Variants in INPP5A observed in about 807,000 individuals in gnomAD.
The protein encoded by INPP5A is inositol polyphosphate-5-phosphatase A.
In INPP5A, 14 loss-of-function variants were observed where a neutral mutation model predicts 65.2. The ratio of observed to expected loss-of-function variants is 0.21; its 90% CI spans 0.14 to 0.34. The LOEUF (loss-of-function observed/expected upper bound fraction) is 0.34. INPP5A is among the 10% of genes least tolerant of loss of function. The pLI, the probability that INPP5A is intolerant of heterozygous loss-of-function variation, is 1.00. For synonymous variants in INPP5A, 207 were observed against 208.3 expected, an observed-to-expected ratio of 0.99 and a Z score of 0.05; for missense variants, 431 against 545.6, an observed-to-expected ratio of 0.79 and a Z score of 2.09.
intron 4 of INPP5A, among the ~76,000 whole-genome samples, chr10:132,653,987 C>CTTA (rs2072616176): frequency 6.6e-6 from 1 of 152,260 alleles, no homozygotes; most frequent in East Asian, 1.9e-4. Flanking sequence ...ACACGCTTCC[C>CTTA]AATTACGTCT....
intron 2 of INPP5A, among the ~76,000 whole-genome samples, chr10:132,641,307 A>G (rs2072424555): frequency 6.6e-6 from 1 of 151,902 alleles, no homozygotes; most frequent in Non-Finnish European, 1.5e-5. Flanking sequence ...ATGCCTGGAG[A>G]CTCTCAGGCT....
At chr10:132,665,686 T>C (rs1452416917) in intron 4 of INPP5A, among the ~76,000 whole-genome samples, 4 of 138,458 alleles carry the variant, frequency 2.9e-5, no homozygotes, top group Non-Finnish European at 3.1e-5. Flanking sequence ...ATTGCTTGAG[T>C]TTAGGAGTAA....
chr10:132,589,315 G>A lies in INPP5A; in HGVS notation c.76-18600G>A, dbSNP rs1050026043. On this transcript the variant is annotated intron_variant, in intron 1 of 15. Coordinates refer to ENST00000368594, the MANE Select transcript of INPP5A (RefSeq NM_005539.5). Reference sequence around the variant, plus strand: ...ATGCGGGCTCGAGGAAGCTGTGGGAGTGCCTTCCCACTAGGCTTGCTGTGC... The same window carrying A: ...ATGCGGGCTCGAGGAAGCTGTGGGAATGCCTTCCCACTAGGCTTGCTGTGC... 2.0e-5 allele frequency among the ~76,000 whole-genome samples: 3 copies of A among 152,364 alleles called. No homozygotes were observed. In the East Asian group the frequency reaches 5.8e-4, roughly 29 times the overall value.
intron 8 of INPP5A, among the ~76,000 whole-genome samples, chr10:132,719,319 G>A (rs1404856536): frequency 2.1e-5 from 3 of 142,574 alleles, no homozygotes; most frequent in Non-Finnish European, 3.0e-5. Flanking sequence ...GCCTTAGGCG[G>A]CTGTCTTCAG....
intron 12 of INPP5A, among the ~76,000 whole-genome samples, chr10:132,776,629 G>A (rs1207354123): frequency 6.6e-6 from 1 of 152,184 alleles, no homozygotes; most frequent in African/African-American, 2.4e-5. Context: ...GCACTTAGGG[G>A]CAGGTGGCTG....
chr10:132,592,725 A>G (rs1361272072), intron 1 of INPP5A, among the ~76,000 whole-genome samples: 1 of 152,222 alleles, frequency 6.6e-6, no homozygotes, highest in East Asian at 1.9e-4. Flanking sequence ...TTAAAATAAT[A>G]TTAATTTTAT....
chr10:132,782,089 T>C lies in INPP5A; in HGVS notation c.*60T>C, dbSNP rs532141272. ...CACTTCGTGAGCCTCCCTGTAGCCG[T>C]GGACCGAATACGCACTCTTGAAAGC... On this transcript the variant is annotated 3_prime_UTR_variant, in exon 16 of 16. Transcript: ENST00000368594. This position sits in a 1 kb window ranked among gnomAD's most constrained non-coding sequence, Gnocchi z 4.4. The C allele has an allele frequency of 8.0e-5, 124 of 1,543,206 alleles. No individual in the cohort carries two copies. In the African/African-American group the frequency reaches 1.4e-3, roughly 17 times the overall value.
chr10:132,783,389 G>C lies in INPP5A; in HGVS notation c.*1360G>C, dbSNP rs903271376. The C allele has an allele frequency of 6.6e-6, 1 of 152,424 alleles. No homozygotes were observed. Among genetic ancestry groups the C allele is most frequent in the Non-Finnish European group, 1.5e-5 (1 of 68,046 alleles). 9.4% of individuals were successfully genotyped at this position (152,424 alleles called of 1,614,324 possible). ...CTGTCCGCGGTTCAACACGGAGTCC[G>C]CCCCGCGGGTTTCAGCTGTTGGTCG... On this transcript the variant is annotated 3_prime_UTR_variant, in exon 16 of 16. Coordinates refer to ENST00000368594, the MANE Select transcript of INPP5A (RefSeq NM_005539.5).
At position 132,538,253 on chromosome 10, in the gene INPP5A, C is replaced by T. The variant is rs2070866438; in HGVS notation, c.75+82C>T. ...GGGGTCCCGAACTGCAAGCCTTGGA[C>T]CCTGGACCGTGAACCTCCAGACCCA... On this transcript the variant is annotated intron_variant, in intron 1 of 15. Coordinates refer to ENST00000368594, the MANE Select transcript of INPP5A (RefSeq NM_005539.5). This position sits in a 1 kb window ranked among gnomAD's most constrained non-coding sequence, Gnocchi z 4.1. 4 of 817,822 alleles carry T rather than the reference C, an allele frequency of 4.9e-6. No individual in the cohort carries two copies. The South Asian group carries it at 1.6e-4, about 32-fold the overall frequency. The allele number at this position is 817,822 out of a possible 1,614,324, so 50.7% of individuals were successfully genotyped here.
chr10:132,703,707 C>G (rs1480534974), intron 6 of INPP5A, among the ~76,000 whole-genome samples: 1 of 95,966 alleles, frequency 1.0e-5, no homozygotes, highest in Non-Finnish European at 2.0e-5. Flanking sequence ...TGCGGCTTCA[C>G]CCCCCCCACA....
intron 1 of INPP5A, among the ~76,000 whole-genome samples, chr10:132,559,504 T>C (rs910406106): frequency 2.0e-5 from 3 of 152,114 alleles, no homozygotes; most frequent in African/African-American, 7.2e-5. Flanking sequence ...CACCCTCCTT[T>C]CCCCCCTTCC....
intron 1 of INPP5A, among the ~76,000 whole-genome samples, chr10:132,570,239 T>C (rs192509174): frequency 6.6e-6 from 1 of 152,332 alleles, no homozygotes; most frequent in East Asian, 1.9e-4. Flanking sequence ...GAGCCTGCGC[T>C]CTGCTGATAT....
intron 4 of INPP5A, among the ~76,000 whole-genome samples, chr10:132,669,721 G>A (rs989565341): frequency 2.6e-5 from 4 of 152,182 alleles, no homozygotes; most frequent in Non-Finnish European, 4.4e-5. Context: ...GGCGCGGTTC[G>A]TGCTGGACTC....
At chr10:132,590,190 T>G (rs1357011538) in intron 1 of INPP5A, among the ~76,000 whole-genome samples, 1 of 152,022 alleles carries the variant, frequency 6.6e-6, no homozygotes, top group Non-Finnish European at 1.5e-5. Flanking sequence ...CCTGCAGTGG[T>G]CAGATGCCGT....
intron 9 of INPP5A, among the ~76,000 whole-genome samples, chr10:132,732,665 G>A (rs899396188): frequency 2.0e-5 from 3 of 152,184 alleles, no homozygotes; most frequent in South Asian, 4.1e-4. Flanking sequence ...GGAGTCACAG[G>A]ACCCTGGAAC....
At chr10:132,720,873 T>C (rs1490140736) in intron 8 of INPP5A, among the ~76,000 whole-genome samples, 2 of 151,590 alleles carry the variant, frequency 1.3e-5, no homozygotes, top group Non-Finnish European at 2.9e-5. Flanking sequence ...TTCAGGGATC[T>C]GTGGTACCTG....
intron 8 of INPP5A, among the ~76,000 whole-genome samples, chr10:132,722,530 C>T (rs1845902654): frequency 2.6e-5 from 4 of 152,346 alleles, no homozygotes; most frequent in South Asian, 4.1e-4. Context: ...GCCTCGCGCC[C>T]GGTTCCCACT....
At position 132,676,691 on chromosome 10, in the gene INPP5A, G is replaced by A. The variant is rs935420105; in HGVS notation, c.307-13701G>A. On this transcript the variant is annotated intron_variant, in intron 4 of 15. Coordinates refer to ENST00000368594, the MANE Select transcript of INPP5A (RefSeq NM_005539.5). This position sits in a 1 kb window ranked among gnomAD's most constrained non-coding sequence, Gnocchi z 4.0. ...GCACCTGTGGCTGCTCCCTCCTCCT[G>A]ACTCTGCTCCAAGGTGCCACCTGCC... Among the ~76,000 whole-genome samples, 1 of 152,112 alleles carries A rather than the reference G, an allele frequency of 6.6e-6. No homozygotes were observed. Among genetic ancestry groups the A allele is most frequent in the Non-Finnish European group, 1.5e-5 (1 of 68,014 alleles).
At chr10:132,567,503 G>A (rs1481484032) in intron 1 of INPP5A, among the ~76,000 whole-genome samples, 1 of 152,210 alleles carries the variant, frequency 6.6e-6, no homozygotes, top group Non-Finnish European at 1.5e-5. Context: ...TGGTTCCTAT[G>A]TTTCCCCTGA....
Sources: gnomAD v4.1 joint callset for allele counts (sites outside exome capture counted in the v4.1 genomes callset) on GRCh38, gnomAD v4.1.1 for gene constraint, Gnocchi (gnomAD v3.1) non-coding constraint, MANE v1.5 for transcripts, NCBI Gene and HGNC (gene_info 2026-07-23, HGNC 2026-07-21) for gene names.